The following HGSNAT variants were observed in gnomAD, a reference collection of about 807,000 sequenced individuals.
HGSNAT encodes transmembrane protein 76.
A neutral mutation model predicts 85.2 loss-of-function variants in HGSNAT; 59 were observed. The observed-to-expected ratio is 0.69, with a 90% CI of 0.56 to 0.86. The LOEUF (loss-of-function observed/expected upper bound fraction) is 0.86. Among genes scored for constraint, HGSNAT ranks in the 40% least tolerant of loss-of-function variants. The pLI is 0.00. For missense variants in HGSNAT, 756 were observed against 777.1 expected (o/e 0.97, Z 0.32); for synonymous variants, 321 against 304.5 (o/e 1.05, Z -0.56).
In HGSNAT at chr8:43,146,762, T is replaced by C. The variant is rs756795330; in HGVS notation, c.119-186T>C. Among the ~76,000 whole-genome samples the C allele has an allele frequency of 5.3e-5, 8 of 152,120 alleles. No individual in the cohort carries two copies. In the East Asian group the frequency reaches 1.2e-3, roughly 22 times the overall value. The stretch of plus-strand genomic sequence containing the variant: ...ATGCATGCATGTGTGTGTGTGCACA[T>C]GCATGCATGCACGCACATATATCTG... On this transcript the variant is annotated intron_variant, in intron 1 of 17. Coordinates refer to ENST00000379644, the MANE Select transcript of HGSNAT (RefSeq NM_152419.3).
chr8:43,140,602 G>C lies in HGSNAT; in HGVS notation c.106G>C (p.Ala36Pro), dbSNP rs927159055. The C allele has an allele frequency of 2.4e-6, 3 of 1,235,736 alleles. No individual in the cohort carries two copies. The highest frequency in any genetic ancestry group is 3.1e-6 in the Non-Finnish European group (3 of 981,002). The allele number at this position is 1,235,736 out of a possible 1,614,324, so 76.5% of individuals were successfully genotyped here. A position where few individuals can be genotyped will look rare whatever the true frequency, so the allele number is the denominator to read the frequency against. Residue 36 changes from alanine to proline, a missense_variant, in exon 1 of 18, where the codon GCG becomes CCG. Physicochemically the swap from Ala to Pro is conservative, Grantham distance 27. Coordinates refer to ENST00000379644, the MANE Select transcript of HGSNAT (RefSeq NM_152419.3). The part of the protein sequence containing the change: ...GGSSGRDAQA[A>P]PPRDLDKKRH... ...CTCTTCGGGGCGCGATGCCCAGGCC[G>C]CGCCGCCACGAGGTGAGTGCACACC...
chr8:43,172,425 C>T (rs771179693), intron 8 of HGSNAT, 39 bp downstream of exon 8: 2 of 1,372,182 alleles, frequency 1.5e-6, no homozygotes, highest in Admixed American at 1.7e-5. Context: ...TTATATACGT[C>T]CTTCACAGAG....
intron 11 of HGSNAT, among the ~76,000 whole-genome samples, chr8:43,187,094 G>A (rs1804342356): frequency 6.6e-6 from 1 of 152,208 alleles, no homozygotes; most frequent in Admixed American, 6.5e-5. Context: ...AGTGCAATGT[G>A]GTGCTGAGAA....
intron 4 of HGSNAT, among the ~76,000 whole-genome samples, 165 bp from the exon 5 acceptor site, chr8:43,161,273 A>G (rs539174621): frequency 4.6e-5 from 7 of 152,338 alleles, no homozygotes; most frequent in South Asian, 2.1e-4. Context: ...GATATTTTTT[A>G]TAATGACAAT....
intron 1 of HGSNAT, 53 bp downstream of exon 1, chr8:43,140,667 TC>T (rs1374222325): frequency 3.2e-6 from 3 of 934,972 alleles, no homozygotes; most frequent in Non-Finnish European, 4.1e-6. Context: ...CAGCGTCTCC[TC>T]TCCGCGGCGC....
chr8:43,160,996 G>GT (rs1315624424), intron 4 of HGSNAT, among the ~76,000 whole-genome samples: 2 of 152,206 alleles, frequency 1.3e-5, no homozygotes, highest in African/African-American at 2.4e-5. Flanking sequence ...GCGAGGCTGG[G>GT]TCCTTCTCAG....
At chr8:43,194,023 C>T in intron 14 of HGSNAT, 180 bp downstream of exon 14, 2 of 1,361,858 alleles carry the variant, frequency 1.5e-6, no homozygotes. Context: ...TCAGCACATT[C>T]AAGTAATTAG....
chr8:43,161,027 AC>A (rs1303440798), intron 4 of HGSNAT, among the ~76,000 whole-genome samples: 1 of 152,232 alleles, frequency 6.6e-6, no homozygotes, highest in Non-Finnish European at 1.5e-5. Flanking sequence ...GAGGAGGCAC[AC>A]AGTGTCAGGC....
At chr8:43,172,425 C>G in intron 8 of HGSNAT, 39 bp downstream of exon 8, 1 of 1,372,182 alleles carries the variant, frequency 7.3e-7, no homozygotes, top group Non-Finnish European at 1.0e-6. Flanking sequence ...TTATATACGT[C>G]CTTCACAGAG....
In HGSNAT at chr8:43,177,552, C is replaced by T. The variant is rs188138761; in HGVS notation, c.852-522C>T. 7.7e-3 allele frequency among the ~76,000 whole-genome samples: 813 copies of T among 105,584 alleles called. 10 individuals carry two copies. The highest frequency in any genetic ancestry group is 0.027 in the African/African-American group (769 of 28,488). The allele number at this position is 105,584 out of a possible 152,430, so 69.3% of individuals were successfully genotyped here. ...CAGTCTGGGCAACAGAGCAAGACTC[C>T]GTCTCAAAAAAAAAAAAAAAAAAAA... On this transcript the variant is annotated intron_variant, in intron 9 of 17. Coordinates refer to ENST00000379644, the MANE Select transcript of HGSNAT (RefSeq NM_152419.3).
intron 3 of HGSNAT, 99 bp from the exon 4 acceptor site, chr8:43,158,824 C>A: frequency 1.3e-6 from 2 of 1,497,610 alleles, no homozygotes; most frequent in South Asian, 1.3e-5. Flanking sequence ...CTGGTCCGTA[C>A]CCAGGAACAT....
chr8:43,156,823 T>A (rs960485082), intron 2 of HGSNAT, among the ~76,000 whole-genome samples: 1 of 152,232 alleles, frequency 6.6e-6, no homozygotes, highest in African/African-American at 2.4e-5. Flanking sequence ...GTCTTTTGTA[T>A]TAGTACAGCT....
intron 1 of HGSNAT, 110 bp downstream of exon 1, chr8:43,140,724 A>G (rs1802492666): frequency 7.3e-6 from 3 of 410,072 alleles, no homozygotes; most frequent in Non-Finnish European, 1.1e-5. Context: ...CCGGGCCGGA[A>G]CCGCCCCCGT....
intron 2 of HGSNAT, among the ~76,000 whole-genome samples, chr8:43,151,283 T>C (rs1045110827): frequency 3.9e-5 from 6 of 152,346 alleles, no homozygotes; most frequent in Admixed American, 3.9e-4. Context: ...GTGTCTGGTT[T>C]GAATCCCACC....
intron 1 of HGSNAT, 39 bp from the exon 2 acceptor site, chr8:43,146,909 C>CTT (rs375505816): frequency 3.5e-4 from 362 of 1,034,634 alleles, no homozygotes; most frequent in Non-Finnish European, 4.1e-4. Context: ...TTTCGGGTGC[C>CTT]TTTTTTTTTT....
At chr8:43,143,704 A>ATT (rs754609672) in intron 1 of HGSNAT, among the ~76,000 whole-genome samples, 5 of 143,180 alleles carry the variant, frequency 3.5e-5, no homozygotes, top group African/African-American at 1.0e-4. Context: ...CGCCTGGCTA[A>ATT]TTTTTTTTTT....
In HGSNAT at chr8:43,192,423, C is replaced by G. The variant is rs751988026; in HGVS notation, c.1370C>G (p.Ser457Cys). Residue 457 changes from serine to cysteine, a missense_variant, in exon 13 of 18, where the codon TCT (serine) becomes TGT (cysteine). Transcript: ENST00000379644. ...GACGATCACCTTTACCAGCACCCAT[C>G]TTCTGCTGTGAGTGAGACTCGAGTT... ...LGDDHLYQHP[S>C]SAVLYHTEVA... The G allele has an allele frequency of 6.2e-7, 1 of 1,609,656 alleles. No homozygotes were observed. Among genetic ancestry groups the G allele is most frequent in the Non-Finnish European group, 8.5e-7 (1 of 1,177,616 alleles).
At chr8:43,173,610 C>A in intron 8 of HGSNAT, 103 bp from the exon 9 acceptor site, 1 of 1,296,126 alleles carries the variant, frequency 7.7e-7, no homozygotes, top group East Asian at 2.5e-5. Context: ...TGCGCCTCCC[C>A]TGGGTTTACT....
intron 1 of HGSNAT, among the ~76,000 whole-genome samples, chr8:43,141,177 G>A (rs1237205912): frequency 6.6e-6 from 1 of 152,216 alleles, no homozygotes; most frequent in Non-Finnish European, 1.5e-5. Context: ...GTGGATGTGC[G>A]GCGGGTGAGG....
Sources: gnomAD v4.1 joint callset for allele counts (sites outside exome capture counted in the v4.1 genomes callset) on GRCh38, gnomAD v4.1.1 for gene constraint, MANE v1.5 for transcripts, NCBI Gene and HGNC (gene_info 2026-07-23, HGNC 2026-07-21) for gene names.